The following MYO5C variants were observed in gnomAD, a reference collection of about 807,000 sequenced individuals.
The protein encoded by MYO5C is myosin VC, also known as unconventional myosin-Vc.
A neutral mutation model predicts 235.7 loss-of-function variants in MYO5C; 194 were observed. That is an observed-to-expected ratio of 0.82 (90% CI 0.73 to 0.93). The LOEUF is 0.93. Ranked by LOEUF, MYO5C falls within the 40% of genes least tolerant of loss-of-function variation. The pLI is 0.00. For missense variants in MYO5C, 2,038 were observed against 2,127.2 expected (o/e 0.96, Z 0.82); for synonymous variants, 707 against 754.8 (o/e 0.94, Z 1.04).
intron 1 of MYO5C, among the ~76,000 whole-genome samples, chr15:52,290,972 T>C (rs545535723): frequency 3.3e-5 from 5 of 152,330 alleles, no homozygotes; most frequent in East Asian, 1.9e-4. Flanking sequence ...TTAATCCTCA[T>C]AGTGACCTCC....
chr15:52,256,599 G>GCGCGCGCT (rs1566982089), intron 11 of MYO5C, 40 bp downstream of exon 11: 1 of 1,478,536 alleles, frequency 6.8e-7, no homozygotes, highest in Non-Finnish European at 9.2e-7. Context: ...GCGCGCGCGC[G>GCGCGCGCT]CGGCTGAGAA....
chr15:52,264,069 T>C, intron 9 of MYO5C, 121 bp downstream of exon 9: 1 of 678,212 alleles, frequency 1.5e-6, no homozygotes, highest in Non-Finnish European at 2.5e-6. Flanking sequence ...TGCCTCCTGT[T>C]AAACCAGTCT....
chr15:52,204,959 C>CA lies in MYO5C; in HGVS notation c.4725_4726insT (p.Val1576CysfsTer43). 6.2e-7 allele frequency: 1 copy of CA among 1,614,254 alleles called. No homozygotes were observed. The highest frequency in any genetic ancestry group is 2.2e-5 in the East Asian group (1 of 44,876). On this transcript the variant is annotated frameshift_variant, in exon 38 of 41. Coordinates refer to ENST00000261839, the MANE Select transcript of MYO5C (RefSeq NM_018728.4). LOFTEE classifies it high-confidence loss of function. ...CCGATCAAGAAGAAGAGCTGCTTCA[C>CA]CGCCTGCCTCACAAGCTCGGGGTCC...
At chr15:52,249,857 T>C (rs2036435204) in intron 13 of MYO5C, among the ~76,000 whole-genome samples, 1 of 152,218 alleles carries the variant, frequency 6.6e-6, no homozygotes, top group Non-Finnish European at 1.5e-5. Context: ...TTGCATTCAA[T>C]ACGACCTGAT....
rs1245638686 is a variant in MYO5C, at chr15:52,273,503, T to C, written c.607-780A>G. 2.0e-5 allele frequency among the ~76,000 whole-genome samples: 3 copies of C among 152,192 alleles called. 1 individual carries two copies. The highest frequency in any genetic ancestry group is 6.5e-5 in the Admixed American group (1 of 15,280). ...AAGGTGGGCCTTTGGGAAGTAATGATGTCACGAGGGTGGAGCCCCTGGGAG... is the reference window on the plus strand; with the variant it reads ...AAGGTGGGCCTTTGGGAAGTAATGACGTCACGAGGGTGGAGCCCCTGGGAG... On this transcript the variant is annotated intron_variant, in intron 5 of 40. Coordinates refer to ENST00000261839, the MANE Select transcript of MYO5C (RefSeq NM_018728.4).
chr15:52,193,840 C>T lies in MYO5C; in HGVS notation c.*62G>A, dbSNP rs1002877124. 2.9e-5 allele frequency: 44 copies of T among 1,535,782 alleles called. No individual in the cohort carries two copies. Among genetic ancestry groups the T allele is most frequent in the Non-Finnish European group, 3.8e-5 (43 of 1,135,080 alleles). On this transcript the variant is annotated 3_prime_UTR_variant, in exon 41 of 41. Coordinates refer to ENST00000261839, the MANE Select transcript of MYO5C (RefSeq NM_018728.4). Reference sequence around the variant, plus strand: ...ATTTCCACTGCCAATTAATAAAACACATCCCTCATATTGAACCTTCACTTA... The same window carrying T: ...ATTTCCACTGCCAATTAATAAAACATATCCCTCATATTGAACCTTCACTTA...
chr15:52,218,473 A>G (rs3751610), intron 32 of MYO5C, 46 bp downstream of exon 32: 26,137 of 1,589,928 alleles, frequency 0.016, 488 homozygotes, highest in East Asian at 0.1. Context: ...TTTCAGCAAC[A>G]TCTGCACACA....
chr15:52,227,258 A>C (rs1203201794), intron 25 of MYO5C, among the ~76,000 whole-genome samples: 21 of 140,690 alleles, frequency 1.5e-4, no homozygotes, highest in Non-Finnish European at 3.2e-4. Context: ...TCAGTGGTGC[A>C]ATCTCGGCTC....
At chr15:52,286,587 G>T (rs1233131726) in intron 1 of MYO5C, among the ~76,000 whole-genome samples, 6 of 150,494 alleles carry the variant, frequency 4.0e-5, no homozygotes, top group Non-Finnish European at 7.4e-5. Flanking sequence ...TTCATTTTGT[G>T]CTGTACTAAG....
intron 1 of MYO5C, among the ~76,000 whole-genome samples, chr15:52,292,359 G>T (rs566895879): frequency 6.6e-6 from 1 of 152,306 alleles, no homozygotes; most frequent in East Asian, 1.9e-4. Flanking sequence ...TAATAAAGGC[G>T]GTTGAACCAA....
chr15:52,215,354 A>C (rs1221043335), intron 32 of MYO5C, among the ~76,000 whole-genome samples: 1 of 152,188 alleles, frequency 6.6e-6, no homozygotes, highest in Non-Finnish European at 1.5e-5. Context: ...GAGTCCTTGG[A>C]TACCTAGAAA....
At chr15:52,268,317 C>G (rs1310929019) in intron 8 of MYO5C, among the ~76,000 whole-genome samples, 1 of 152,220 alleles carries the variant, frequency 6.6e-6, no homozygotes, top group Non-Finnish European at 1.5e-5. Context: ...GTAATCCCAG[C>G]ATTTTGGGAA....
chr15:52,199,676 C>G (rs982115127), intron 38 of MYO5C, among the ~76,000 whole-genome samples: 1 of 152,164 alleles, frequency 6.6e-6, no homozygotes, highest in African/African-American at 2.4e-5. Flanking sequence ...CCTTTTCCCT[C>G]TCCTTTTTCT....
chr15:52,253,375 A>G lies in MYO5C; in HGVS notation c.1478T>C (p.Val493Ala). The part of the protein sequence containing the change: ...TLIDFYDNQP[V>A]IDLIEAKMGI... Reference sequence around the variant, plus strand: ...CATTTTTGCTTCAATCAGGTCAATAACTGGTTGATTGTCATAAAAATCTAT... The same window carrying G: ...CATTTTTGCTTCAATCAGGTCAATAGCTGGTTGATTGTCATAAAAATCTAT... The change falls in exon 12 of 41, where the codon GTT (valine) becomes GCT (alanine). Residue 493 changes from valine (V) to alanine (A), a missense_variant. By Grantham distance (64) the Val-to-Ala change is moderately conservative. Coordinates refer to ENST00000261839, the MANE Select transcript of MYO5C (RefSeq NM_018728.4). 1 of 1,613,144 alleles carries G rather than the reference A, an allele frequency of 6.2e-7. No homozygotes were observed. The highest frequency in any genetic ancestry group is 1.1e-5 in the South Asian group (1 of 91,032).
chr15:52,212,466 CA>C (rs1239546370), intron 34 of MYO5C, among the ~76,000 whole-genome samples: 1 of 152,172 alleles, frequency 6.6e-6, no homozygotes, highest in Non-Finnish European at 1.5e-5. Context: ...TGCATGACAC[CA>C]GTGATGAGGG....
intron 37 of MYO5C, chr15:52,205,495 G>A: frequency 6.1e-6 from 2 of 326,586 alleles, no homozygotes; most frequent in East Asian, 5.3e-5. Context: ...ACAAGAATTC[G>A]AATGGGGCTT....
At position 52,208,128 on chromosome 15, in the gene MYO5C, A is replaced by C. The variant is rs2035362610; in HGVS notation, c.4386+426T>G. On this transcript the variant is annotated intron_variant, in intron 36 of 40. Coordinates refer to ENST00000261839, the MANE Select transcript of MYO5C (RefSeq NM_018728.4). ...TTTCTCTGTGAGTACTTGAAGGTGGAGAACTCTTTCATGACATCAGCCTCC... is the reference window on the plus strand; with the variant it reads ...TTTCTCTGTGAGTACTTGAAGGTGGCGAACTCTTTCATGACATCAGCCTCC... Among the ~76,000 whole-genome samples the C allele has an allele frequency of 1.3e-5, 2 of 152,224 alleles. 1 individual carries two copies. Among genetic ancestry groups the C allele is most frequent in the South Asian group, 4.1e-4 (2 of 4,828 alleles).
chr15:52,259,894 G>C (rs2036655786), intron 10 of MYO5C, among the ~76,000 whole-genome samples: 1 of 152,244 alleles, frequency 6.6e-6, no homozygotes, highest in African/African-American at 2.4e-5. Flanking sequence ...CCAGAGCTCA[G>C]CTCTCCCCTT....
chr15:52,277,103 T>C (rs768115234), intron 4 of MYO5C: 2 of 490,116 alleles, frequency 4.1e-6, no homozygotes, highest in Non-Finnish European at 8.5e-6. Flanking sequence ...AGATGAAGAC[T>C]CTGAGAAGTG....
Sources: allele counts gnomAD v4.1 joint callset (sites outside exome capture counted in the v4.1 genomes callset), GRCh38; gene constraint gnomAD v4.1.1; transcripts MANE v1.5; gene names NCBI Gene and HGNC (gene_info 2026-07-23, HGNC 2026-07-21).